The following NRDE2 variants were observed in gnomAD, a reference collection of about 807,000 sequenced individuals.
The protein encoded by NRDE2 is nuclear exosome regulator NRDE2.
Under a neutral mutation model 124.2 loss-of-function variants are expected in NRDE2, and 76 were observed. That is an observed-to-expected ratio of 0.61 (90% CI 0.51 to 0.74). The LOEUF (loss-of-function observed/expected upper bound fraction) is 0.74. Among genes scored for constraint, NRDE2 ranks in the 30% least tolerant of loss-of-function variants. NRDE2 has a pLI of 0.00. For missense variants in NRDE2, 1,314 were observed against 1,417.3 expected (o/e 0.93, Z 1.17); for synonymous variants, 489 against 528.1 (o/e 0.93, Z 1.01).
intron 7 of NRDE2, among the ~76,000 whole-genome samples, chr14:90,300,545 T>C (rs1052408637): frequency 3.3e-4 from 50 of 152,012 alleles, no homozygotes; most frequent in Admixed American, 3.1e-3. Flanking sequence ...CATTTTCTTA[T>C]ATACATAGCT....
rs552464209 is a variant in NRDE2, at chr14:90,284,745, T to A, written c.3297+1609A>T. On this transcript the variant is annotated intron_variant, in intron 12 of 13. Transcript: ENST00000354366. ...TGGATATGACTGAGTACCCCTGAAC[T>A]AAAGCAAGAGGCCTCGAAGACTGTT... Among the ~76,000 whole-genome samples, 8 of 152,124 alleles carry A rather than the reference T, an allele frequency of 5.3e-5. No homozygotes were observed. In the South Asian group the frequency reaches 1.7e-3, roughly 32 times the overall value.
chr14:90,284,307 T>A (rs1454541667), intron 12 of NRDE2, among the ~76,000 whole-genome samples: 3 of 152,130 alleles, frequency 2.0e-5, no homozygotes, highest in African/African-American at 7.2e-5. Flanking sequence ...TTCAGATATA[T>A]ACGTAAGATT....
At position 90,316,569 on chromosome 14, in the gene NRDE2, G is replaced by A. The variant is rs748056038; in HGVS notation, c.407+9C>T. The A allele has an allele frequency of 8.8e-6, 14 of 1,586,342 alleles. No homozygotes were observed. The Admixed American group carries it at 1.2e-4, about 14-fold the overall frequency. ...AAAATATCATAGGTGCTTGAGAACA[G>A]CAACCTACTTCGGTTCCTCAGATTC... is the stretch of plus-strand genomic sequence containing the variant. On this transcript the variant is annotated intron_variant, in intron 3 of 13. Coordinates refer to ENST00000354366, the MANE Select transcript of NRDE2 (RefSeq NM_017970.4).
rs150265435 is a variant in NRDE2 at position 90,329,603 on chromosome 14, G to C, written c.64+2238C>G. ...TGTAATCCCAGCACTTTGGGAGGCC[G>C]AGGTGGGCGGATTATCTAAGCTCAG... On this transcript the variant is annotated intron_variant, in intron 1 of 13. Coordinates refer to ENST00000354366, the MANE Select transcript of NRDE2 (RefSeq NM_017970.4). 2.4e-3 allele frequency among the ~76,000 whole-genome samples: 363 copies of C among 150,320 alleles called. 3 individuals carry two copies. The highest frequency in any genetic ancestry group is 8.7e-3 in the African/African-American group (354 of 40,830).
At chr14:90,304,480 C>G (rs536812820) in intron 4 of NRDE2, 98 bp from the exon 5 acceptor site, 177 of 826,092 alleles carry the variant, frequency 2.1e-4, no homozygotes, top group Non-Finnish European at 3.2e-4. Flanking sequence ...TATGCAGGTT[C>G]ACTGCATATA....
chr14:90,270,042 A>G lies in NRDE2; in HGVS notation c.*8294T>C. ...TCAAATGTAGAAATCTACAAACTAC[A>G]AAAATATATGTTTACTTTTTAAAAT... On this transcript the variant is annotated 3_prime_UTR_variant, in exon 14 of 14. Coordinates refer to ENST00000354366, the MANE Select transcript of NRDE2 (RefSeq NM_017970.4). 1.3e-6 allele frequency: 1 copy of G among 751,230 alleles called. No homozygotes were observed. The highest frequency in any genetic ancestry group is 2.8e-5 in the East Asian group (1 of 36,272). The allele number at this position is 751,230 out of a possible 1,614,324, so 46.5% of individuals were successfully genotyped here.
intron 12 of NRDE2, 30 bp downstream of exon 12, chr14:90,286,324 T>C (rs775336995): frequency 6.2e-7 from 1 of 1,605,124 alleles, no homozygotes; most frequent in African/African-American, 1.3e-5. Context: ...GAGCTCTGCA[T>C]GAACACAAAA....
In NRDE2 at chr14:90,278,148, CTT is replaced by C. The variant is rs746062151; in HGVS notation, c.*186_*187del. The C allele has an allele frequency of 1.0e-5, 6 of 600,426 alleles. No homozygotes were observed. The highest frequency in any genetic ancestry group is 1.5e-5 in the Non-Finnish European group (5 of 343,538). The allele number at this position is 600,426 out of a possible 1,614,324, so 37.2% of individuals were successfully genotyped here. Reference sequence around the variant, plus strand: ...ATTCACATATATAATATGTAAATAACTTTTGTGTCATTTACACACCCAAAAAG... The same window carrying C: ...ATTCACATATATAATATGTAAATAACTTGTGTCATTTACACACCCAAAAAG... On this transcript the variant is annotated 3_prime_UTR_variant, in exon 14 of 14. Transcript: ENST00000354366.
chr14:90,271,785 T>G lies in NRDE2; in HGVS notation c.*6551A>C, dbSNP rs1466977441. 2 of 153,312 alleles carry G rather than the reference T, an allele frequency of 1.3e-5. No individual in the cohort carries two copies. Among genetic ancestry groups the G allele is most frequent in the East Asian group, 3.9e-4 (2 of 5,188 alleles). The allele number at this position is 153,312 out of a possible 1,614,324, so 9.5% of individuals were successfully genotyped here. A position where few individuals can be genotyped will look rare whatever the true frequency, so the allele number is the denominator to read the frequency against. On this transcript the variant is annotated 3_prime_UTR_variant, in exon 14 of 14. Transcript: ENST00000354366. The stretch of plus-strand genomic sequence containing the variant: ...AACTCCCAGTTTAAGCCACTTCACA[T>G]CCTTTCAGAAAATAGGATGCTTAAA...
chr14:90,287,513 G>A (rs1289238159), intron 11 of NRDE2, among the ~76,000 whole-genome samples: 6 of 152,134 alleles, frequency 3.9e-5, no homozygotes, highest in South Asian at 4.2e-4. Flanking sequence ...CCCAGCTACC[G>A]GGGAGACTGA....
chr14:90,274,653 A>AATG lies in NRDE2; in HGVS notation c.*3680_*3682dup, dbSNP rs937976322. 2.0e-5 allele frequency: 3 copies of AATG among 152,130 alleles called. No homozygotes were observed. The highest frequency in any genetic ancestry group is 2.1e-4 in the South Asian group (1 of 4,816). The allele number at this position is 152,130 out of a possible 1,614,324, so 9.4% of individuals were successfully genotyped here. ...CCAGAAAGCAAGGGAGTGCTCAAGG[A>AATG]ATGATAAGGACATGTCCTAAGGACA... On this transcript the variant is annotated 3_prime_UTR_variant, in exon 14 of 14. Transcript: ENST00000354366.
Position 90,300,044 on chromosome 14 carries a change from C to T in NRDE2, c.1545+1195G>A, listed in dbSNP as rs556529930. The stretch of plus-strand genomic sequence containing the variant: ...CTATTCGTGTTTAAAACCTCAAGCA[C>T]GAGGATCGGGGTCTCCCAACACTTT... On this transcript the variant is annotated intron_variant, in intron 7 of 13. Coordinates refer to ENST00000354366, the MANE Select transcript of NRDE2 (RefSeq NM_017970.4). Among the ~76,000 whole-genome samples, 145 of 152,250 alleles carry T rather than the reference C, an allele frequency of 9.5e-4. 1 individual carries two copies. Among genetic ancestry groups the T allele is most frequent in the African/African-American group, 3.4e-3 (141 of 41,544 alleles).
Position 90,269,717 on chromosome 14 carries a change from A to G in NRDE2, c.*8619T>C. On this transcript the variant is annotated 3_prime_UTR_variant, in exon 14 of 14. Coordinates refer to ENST00000354366, the MANE Select transcript of NRDE2 (RefSeq NM_017970.4). ...CTTGAGATGAGGGTTAAAACAGAGC[A>G]TGATATGGTCTGTGCACCTTGGCCC... The G allele has an allele frequency of 1.6e-6, 1 of 644,962 alleles. No individual in the cohort carries two copies. The highest frequency in any genetic ancestry group is 2.9e-5 in the East Asian group (1 of 34,790). The allele number at this position is 644,962 out of a possible 1,614,324, so 40.0% of individuals were successfully genotyped here.
Position 90,278,054 on chromosome 14 carries a change from C to T in NRDE2, c.*282G>A. 1 of 299,298 alleles carries T rather than the reference C, an allele frequency of 3.3e-6. No individual in the cohort carries two copies. 18.5% of individuals were successfully genotyped at this position (299,298 alleles called of 1,614,324 possible). On this transcript the variant is annotated 3_prime_UTR_variant, in exon 14 of 14. Coordinates refer to ENST00000354366, the MANE Select transcript of NRDE2 (RefSeq NM_017970.4). ...GGGAGAGAATGAGCAAGGACGCTGCCACGCCTCAATCATCATCGGTTTAAT... is the reference window on the plus strand; with the variant it reads ...GGGAGAGAATGAGCAAGGACGCTGCTACGCCTCAATCATCATCGGTTTAAT...
intron 4 of NRDE2, among the ~76,000 whole-genome samples, chr14:90,310,044 A>G (rs1262511650): frequency 6.6e-6 from 1 of 152,168 alleles, no homozygotes; most frequent in African/African-American, 2.4e-5. Context: ...TTTGCACACC[A>G]ATTTCCAATT....
At position 90,288,201 on chromosome 14, in the gene NRDE2, A is replaced by C; in HGVS notation, c.3158+16T>G. 6.2e-7 allele frequency: 1 copy of C among 1,605,344 alleles called. No individual in the cohort carries two copies. Among genetic ancestry groups the C allele is most frequent in the Non-Finnish European group, 8.5e-7 (1 of 1,175,272 alleles). On this transcript the variant is annotated intron_variant, in intron 11 of 13. Coordinates refer to ENST00000354366, the MANE Select transcript of NRDE2 (RefSeq NM_017970.4). Reference sequence around the variant, plus strand: ...AAACATTTGCGGGGCACACGAACAGAACGGTCTGGAATTACCTCTGGACAG... The same window carrying C: ...AAACATTTGCGGGGCACACGAACAGCACGGTCTGGAATTACCTCTGGACAG...
At chr14:90,287,514 G>A (rs1354987634) in intron 11 of NRDE2, among the ~76,000 whole-genome samples, 1 of 152,080 alleles carries the variant, frequency 6.6e-6, no homozygotes, top group Non-Finnish European at 1.5e-5. Flanking sequence ...CCAGCTACCG[G>A]GGAGACTGAG....
chr14:90,328,341 T>C (rs1885533152), intron 1 of NRDE2, among the ~76,000 whole-genome samples: 1 of 151,768 alleles, frequency 6.6e-6, no homozygotes, highest in African/African-American at 2.4e-5. Flanking sequence ...GTATTTATCC[T>C]GTCTTTCCTG....
rs1265693276 is a variant in NRDE2, at chr14:90,286,396, G to A, written c.3255C>T (p.Gly1085=). 3.1e-6 allele frequency: 5 copies of A among 1,614,034 alleles called. No homozygotes were observed. The African/African-American group carries it at 5.3e-5, about 17-fold the overall frequency. Residue 1085 remains glycine, a synonymous_variant, in exon 12 of 14, where the codon GGC becomes GGT. Coordinates refer to ENST00000354366, the MANE Select transcript of NRDE2 (RefSeq NM_017970.4). ...TCCTCCACAGCAAGGGGCACTGGCTGCCACTGTCGCTGCGCATGGCATTTT... is the reference window on the plus strand; with the variant it reads ...TCCTCCACAGCAAGGGGCACTGGCTACCACTGTCGCTGCGCATGGCATTTT... ...LFENAMRSDS[G]SQCPLLWRMY... is the part of the protein sequence containing the mutation.
Sources: allele counts gnomAD v4.1 joint callset (sites outside exome capture counted in the v4.1 genomes callset), GRCh38; gene constraint gnomAD v4.1.1; transcripts MANE v1.5; gene names NCBI Gene and HGNC (gene_info 2026-07-23, HGNC 2026-07-21).